The following SLC39A9 variants were observed in gnomAD, a reference collection of about 807,000 sequenced individuals.
SLC39A9 encodes the protein zinc transporter ZIP9.
A neutral mutation model predicts 28.4 loss-of-function variants in SLC39A9; 14 were observed. That is an observed-to-expected ratio of 0.49 (90% CI 0.33 to 0.77). The LOEUF (loss-of-function observed/expected upper bound fraction) is 0.77. Ranked by LOEUF, SLC39A9 falls within the 30% of genes least tolerant of loss-of-function variation. The pLI is 0.02. For missense variants in SLC39A9, 283 were observed against 381.1 expected (o/e 0.74, Z 2.14); for synonymous variants, 119 against 149.6 (o/e 0.80, Z 1.49).
chr14:69,443,591 GCAGTCACCATGACT>G (rs1885148014), intron 3 of SLC39A9, among the ~76,000 whole-genome samples: 1 of 152,146 alleles, frequency 6.6e-6, no homozygotes, highest in African/African-American at 2.4e-5. Flanking sequence ...AAATGAGGGG[GCAGTCACCATGACT>G]CACCTGTAAT....
At position 69,458,447 on chromosome 14, in the gene SLC39A9, G is replaced by A; in HGVS notation, c.778G>A (p.Val260Ile). ...CGGGACATTTCTTTATGTTGCCACA[G>A]TACATGTCCTCCCTGAGGTGGGCGG... ...SAGTFLYVATVHVLPEVGGIG... is the reference protein window; with the variant it reads ...SAGTFLYVATIHVLPEVGGIG... The change falls in exon 7 of 7, where the codon GTA becomes ATA. Residue 260 changes from valine (V) to isoleucine (I), a missense_variant. Val to Ile is a conservative substitution (Grantham distance 29). Transcript: ENST00000336643. 1.9e-6 allele frequency: 3 copies of A among 1,614,244 alleles called. No homozygotes were observed. Among genetic ancestry groups the A allele is most frequent in the Non-Finnish European group, 2.5e-6 (3 of 1,180,034 alleles).
intron 1 of SLC39A9, among the ~76,000 whole-genome samples, chr14:69,403,769 C>A (rs1290234344): frequency 2.6e-5 from 4 of 152,110 alleles, no homozygotes; most frequent in African/African-American, 9.7e-5. Flanking sequence ...GCAGGCCAGG[C>A]GTGGTGGCTC....
At chr14:69,440,018 A>T (rs12890434) in intron 2 of SLC39A9, among the ~76,000 whole-genome samples, 4 of 152,282 alleles carry the variant, frequency 2.6e-5, no homozygotes, top group African/African-American at 9.6e-5. Flanking sequence ...GGGAGGCCTC[A>T]GGAAACTTAC....
chr14:69,414,022 C>T (rs1309010244), intron 1 of SLC39A9, among the ~76,000 whole-genome samples: 1 of 151,334 alleles, frequency 6.6e-6, no homozygotes, highest in Non-Finnish European at 1.5e-5. Flanking sequence ...TAAAAACTTG[C>T]ACCAAACTCC....
intron 2 of SLC39A9, among the ~76,000 whole-genome samples, chr14:69,426,465 G>A (rs1884196291): frequency 6.6e-6 from 1 of 152,188 alleles, no homozygotes; most frequent in Non-Finnish European, 1.5e-5. Flanking sequence ...GGTATGGAAG[G>A]GTCCTGGGTC....
intron 2 of SLC39A9, among the ~76,000 whole-genome samples, chr14:69,427,343 G>A (rs1884254187): frequency 6.6e-6 from 1 of 152,024 alleles, no homozygotes; most frequent in Non-Finnish European, 1.5e-5. Context: ...AGATTACAAA[G>A]TGCTTTATAA....
chr14:69,460,132 C>G lies in SLC39A9; in HGVS notation c.*1539C>G, dbSNP rs1206536662. ...TATTAATTTATTTTTACTTTCTATA[C>G]CATTTCAAAACACATTACACTAAGG... is the stretch of plus-strand genomic sequence containing the variant. On this transcript the variant is annotated 3_prime_UTR_variant, in exon 7 of 7. Coordinates refer to ENST00000336643, the MANE Select transcript of SLC39A9 (RefSeq NM_018375.5). The G allele has an allele frequency of 8.1e-6, 8 of 983,798 alleles. No individual in the cohort carries two copies. The allele number at this position is 983,798 out of a possible 1,614,324, so 60.9% of individuals were successfully genotyped here.
chr14:69,434,073 C>A (rs71423359), intron 2 of SLC39A9, among the ~76,000 whole-genome samples: 8,249 of 139,304 alleles, frequency 0.059, 308 homozygotes, highest in East Asian at 0.097. Context: ...GCATGTAATT[C>A]TTTTCTTTTC....
chr14:69,439,238 G>A lies in SLC39A9; in HGVS notation c.206-2831G>A, dbSNP rs527722312. On this transcript the variant is annotated intron_variant, in intron 2 of 6. Transcript: ENST00000336643. The stretch of plus-strand genomic sequence containing the variant: ...AGGAGATATACCTAATGTAAATGAG[G>A]AGTTAATGGGTGCAGCACACCAACA... 2.6e-5 allele frequency among the ~76,000 whole-genome samples: 4 copies of A among 152,102 alleles called. No homozygotes were observed. The East Asian group carries it at 7.7e-4, about 29-fold the overall frequency.
chr14:69,455,559 A>T (rs555944940), intron 5 of SLC39A9, among the ~76,000 whole-genome samples, 173 bp from the exon 6 acceptor site: 2 of 152,192 alleles, frequency 1.3e-5, no homozygotes, highest in Admixed American at 1.3e-4. Flanking sequence ...ACCTTAGGTG[A>T]TCCACCCACC....
chr14:69,461,958 A>G lies in SLC39A9; in HGVS notation c.*3365A>G. 2.2e-6 allele frequency: 1 copy of G among 460,334 alleles called. No homozygotes were observed. Among genetic ancestry groups the G allele is most frequent in the Admixed American group, 3.6e-5 (1 of 28,122 alleles). The allele number at this position is 460,334 out of a possible 1,614,324, so 28.5% of individuals were successfully genotyped here. ...ATTAGAAAATTTCTGCTCAATACAG[A>G]ATGGTCCACATCACCCAAAGTGCAC... On this transcript the variant is annotated 3_prime_UTR_variant, in exon 7 of 7. Transcript: ENST00000336643.
At chr14:69,428,595 A>G (rs141704554) in intron 2 of SLC39A9, 2 of 152,668 alleles carry the variant, frequency 1.3e-5, no homozygotes, top group Non-Finnish European at 2.9e-5. Flanking sequence ...TCAGCTGCAG[A>G]CAAGAGCAGA....
At chr14:69,452,801 G>T (rs1594950307) in intron 3 of SLC39A9, among the ~76,000 whole-genome samples, 1 of 152,152 alleles carries the variant, frequency 6.6e-6, no homozygotes, top group Admixed American at 6.5e-5. Context: ...AAAGTTGCAG[G>T]ATGCTAAGGA....
At chr14:69,437,821 C>T (rs868643286) in intron 2 of SLC39A9, among the ~76,000 whole-genome samples, 7 of 150,942 alleles carry the variant, frequency 4.6e-5, no homozygotes, top group Non-Finnish European at 7.4e-5. Context: ...CTCCTGACCT[C>T]GTGATCCACC....
chr14:69,436,908 G>A (rs1163043658), intron 2 of SLC39A9, among the ~76,000 whole-genome samples: 1 of 152,180 alleles, frequency 6.6e-6, no homozygotes, highest in Non-Finnish European at 1.5e-5. Flanking sequence ...AGCATAACCA[G>A]GTTTCCCCCA....
intron 1 of SLC39A9, among the ~76,000 whole-genome samples, chr14:69,418,447 G>A (rs547358165): frequency 8.0e-4 from 121 of 152,006 alleles, no homozygotes; most frequent in Non-Finnish European, 1.4e-3. Context: ...TGTTGTTGTC[G>A]TGTCTCTGCC....
chr14:69,401,938 G>A (rs1882658115), intron 1 of SLC39A9, among the ~76,000 whole-genome samples: 1 of 152,154 alleles, frequency 6.6e-6, no homozygotes, highest in South Asian at 2.1e-4. Context: ...GACCAATGTT[G>A]TAATGAAACT....
intron 3 of SLC39A9, among the ~76,000 whole-genome samples, chr14:69,444,575 T>A (rs150955513): frequency 1.1e-3 from 162 of 152,306 alleles, no homozygotes; most frequent in African/African-American, 3.7e-3. Context: ...AATGGTACAA[T>A]GCCCATGGAG....
At chr14:69,435,624 G>A (rs555929769) in intron 2 of SLC39A9, among the ~76,000 whole-genome samples, 3 of 152,116 alleles carry the variant, frequency 2.0e-5, no homozygotes, top group African/African-American at 7.2e-5. Flanking sequence ...TCTTACCTCG[G>A]CCATTGTAGC....
Sources: allele counts gnomAD v4.1 joint callset (sites outside exome capture counted in the v4.1 genomes callset), GRCh38; gene constraint gnomAD v4.1.1; transcripts MANE v1.5; gene names NCBI Gene and HGNC (gene_info 2026-07-23, HGNC 2026-07-21).